Variants in HFM1 observed in about 807,000 individuals in gnomAD.
HFM1 encodes the protein helicase for meiosis 1, also known as probable ATP-dependent DNA helicase HFM1.
Under a neutral mutation model 192.1 loss-of-function variants are expected in HFM1, and 169 were observed. The ratio of observed to expected loss-of-function variants is 0.88; its 90% CI spans 0.78 to 1.00. The LOEUF (loss-of-function observed/expected upper bound fraction) is 1.00, where lower values mean the gene tolerates loss of function less well. Among genes scored for constraint, HFM1 ranks in the 50% least tolerant of loss-of-function variants. The pLI, the probability that HFM1 is intolerant of heterozygous loss-of-function variation, is 0.00. For synonymous variants in HFM1, 525 were observed against 537.8 expected (o/e 0.98, Z 0.33); for missense variants, 1,661 against 1,668.0 (o/e 1.00, Z 0.07).
At chr1:91,265,741 A>C (rs184646241) in intron 36 of HFM1, among the ~76,000 whole-genome samples, 1 of 152,310 alleles carries the variant, frequency 6.6e-6, no homozygotes, top group Admixed American at 6.5e-5. Flanking sequence ...GTCTTGTTAA[A>C]AGTGAAGGTT....
chr1:91,322,913 A>G, intron 23 of HFM1, 37 bp downstream of exon 23: 1 of 1,038,988 alleles, frequency 9.6e-7, no homozygotes, highest in Non-Finnish European at 1.3e-6. Flanking sequence ...TTTAAAACCA[A>G]AAAAAGAAAA....
At chr1:91,328,581 G>A in intron 20 of HFM1, 1 of 1,609,626 alleles carries the variant, frequency 6.2e-7, no homozygotes, top group African/African-American at 1.3e-5. Flanking sequence ...TGATAGGCAT[G>A]TTCTACCGCA....
intron 30 of HFM1, among the ~76,000 whole-genome samples, chr1:91,311,270 G>C (rs1650401185): frequency 6.6e-6 from 1 of 152,086 alleles, no homozygotes; most frequent in Admixed American, 6.6e-5. Context: ...GGCATCTGGT[G>C]GAAAAAATTT....
At chr1:91,407,855 C>T (rs779178700), upstream of HFM1, among the ~76,000 whole-genome samples, 87 of 152,168 alleles carry the variant, frequency 5.7e-4, no homozygotes, top group Non-Finnish European at 2.5e-4. Flanking sequence ...CCAACATAAC[C>T]AAAATTTTCT....
At chr1:91,329,046 GT>G in intron 20 of HFM1, 1 of 1,611,164 alleles carries the variant, frequency 6.2e-7, no homozygotes, top group South Asian at 1.1e-5. Context: ...GGAACAGTTT[GT>G]GGATCTGTGC....
chr1:91,372,473 A>C (rs1660361468), intron 13 of HFM1, among the ~76,000 whole-genome samples: 1 of 152,226 alleles, frequency 6.6e-6, no homozygotes, highest in South Asian at 2.1e-4. Flanking sequence ...CATTCGCAGC[A>C]AACTATCGCA....
At chr1:91,384,445 T>C (rs1661928626) in intron 6 of HFM1, among the ~76,000 whole-genome samples, 1 of 152,030 alleles carries the variant, frequency 6.6e-6, no homozygotes. Flanking sequence ...GACATGAAAA[T>C]TGGATTCTAG....
rs762342269 is a variant in HFM1, at chr1:91,385,178, A to C, written c.802+9T>G. ...ACAAAGCAGCTATTGTAAATAACTT[A>C]AAGGATACGAATTTCTGTGACAGCC... On this transcript the variant is annotated intron_variant, in intron 6 of 38. Coordinates refer to ENST00000370425, the MANE Select transcript of HFM1 (RefSeq NM_001017975.6). The C allele has an allele frequency of 8.1e-6, 12 of 1,486,578 alleles. No individual in the cohort carries two copies. The East Asian group carries it at 2.3e-4, about 28-fold the overall frequency. The allele number at this position is 1,486,578 out of a possible 1,614,324, so 92.1% of individuals were successfully genotyped here.
At chr1:91,278,288 A>T (rs1050874553) in intron 30 of HFM1, among the ~76,000 whole-genome samples, 1 of 152,096 alleles carries the variant, frequency 6.6e-6, no homozygotes, top group African/African-American at 2.4e-5. Flanking sequence ...ATATATCTAA[A>T]TATATGATTT....
chr1:91,405,882 T>C (rs1362181043), upstream of HFM1, among the ~76,000 whole-genome samples: 3 of 152,222 alleles, frequency 2.0e-5, no homozygotes, highest in Non-Finnish European at 4.4e-5. Flanking sequence ...GGTTGAATTA[T>C]CATTCCTCTC....
chr1:91,381,953 C>T (rs1661593930), intron 6 of HFM1, among the ~76,000 whole-genome samples: 1 of 152,108 alleles, frequency 6.6e-6, no homozygotes, highest in Non-Finnish European at 1.5e-5. Context: ...AAGTGTATGG[C>T]TATAAGGCTC....
At chr1:91,290,632 C>G (rs546478446) in intron 30 of HFM1, among the ~76,000 whole-genome samples, 7 of 152,232 alleles carry the variant, frequency 4.6e-5, no homozygotes, top group South Asian at 2.1e-4. Context: ...GTCAACATTA[C>G]ACAGATCAAC....
Position 91,320,838 on chromosome 1 carries a change from C to T in HFM1, c.2583-1448G>A, listed in dbSNP as rs140725866. On this transcript the variant is annotated intron_variant, in intron 23 of 38. Transcript: ENST00000370425. ...CTCAGGTGAGGTGGCAGCTCTACCA[C>T]CTCAACTAACAGGGGCAGAGTTACA... is the stretch of plus-strand genomic sequence containing the variant. Among the ~76,000 whole-genome samples, 217 of 152,260 alleles carry T rather than the reference C, an allele frequency of 1.4e-3. 3 individuals are homozygous for T. In the East Asian group the frequency reaches 0.022, roughly 16 times the overall value.
At chr1:91,360,699 CAGAT>C (rs946713191) in intron 13 of HFM1, among the ~76,000 whole-genome samples, 16 of 152,052 alleles carry the variant, frequency 1.1e-4, no homozygotes, top group African/African-American at 3.9e-4. Context: ...GTGGACCTGA[CAGAT>C]AGCTACAGAA....
rs1294067546 is a variant in HFM1, at chr1:91,333,763, AAAT to A, written c.2336-9000_2336-8998del. 5.3e-5 allele frequency among the ~76,000 whole-genome samples: 8 copies of A among 152,182 alleles called. No individual in the cohort carries two copies. In the East Asian group the frequency reaches 1.5e-3, roughly 29 times the overall value. ...TTACCATTTACCGACAAAAATTTAAAAATAATTTAAAACATTTTCTTAACATGT... is the reference window on the plus strand; with the variant it reads ...TTACCATTTACCGACAAAAATTTAAAAATTTAAAACATTTTCTTAACATGT... On this transcript the variant is annotated intron_variant, in intron 20 of 38. Transcript: ENST00000370425.
chr1:91,261,528 G>A, intron 38 of HFM1, 169 bp from the exon 39 acceptor site: 1 of 377,604 alleles, frequency 2.6e-6, no homozygotes, highest in Middle Eastern at 7.1e-4. Flanking sequence ...AGTCTGTTGG[G>A]GAAAATTAGA....
In HFM1 at chr1:91,370,425, C is replaced by G. The variant is rs151316599; in HGVS notation, c.1685+4933G>C. Among the ~76,000 whole-genome samples, 1,248 of 152,182 alleles carry G rather than the reference C, an allele frequency of 8.2e-3. 13 individuals carry two copies. Among genetic ancestry groups the G allele is most frequent in the African/African-American group, 0.029 (1,187 of 41,528 alleles). ...GTGGGCTTCATCCCTGGGATGCAAG[C>G]CTGGTTCAACACACGAAAATCAATA... On this transcript the variant is annotated intron_variant, in intron 13 of 38. Coordinates refer to ENST00000370425, the MANE Select transcript of HFM1 (RefSeq NM_001017975.6).
At chr1:91,316,343 G>T in intron 26 of HFM1, 48 bp downstream of exon 26, 1 of 1,159,726 alleles carries the variant, frequency 8.6e-7, no homozygotes, top group Middle Eastern at 2.0e-4. Flanking sequence ...AGAAATAAAG[G>T]TAGGCCTCAG....
chr1:91,378,498 C>T lies in HFM1; in HGVS notation c.1159-18G>A, dbSNP rs1157015102. On this transcript the variant is annotated intron_variant, in intron 9 of 38. Transcript: ENST00000370425. ...CATTTTTCCTAGAGAGAAAAAAAAG[C>T]ATACAAGTAGTTTAATGTGATAAGG... 3 of 1,446,062 alleles carry T rather than the reference C, an allele frequency of 2.1e-6. No individual in the cohort carries two copies. 89.6% of individuals were successfully genotyped at this position (1,446,062 alleles called of 1,614,324 possible).
Sources: gnomAD v4.1 joint callset for allele counts (sites outside exome capture counted in the v4.1 genomes callset) on GRCh38, gnomAD v4.1.1 for gene constraint, MANE v1.5 for transcripts, NCBI Gene and HGNC (gene_info 2026-07-23, HGNC 2026-07-21) for gene names.